The following TTC28 variants were observed in gnomAD, a reference collection of about 807,000 sequenced individuals.
TTC28 encodes tetratricopeptide repeat protein 28.
In TTC28, 61 loss-of-function variants were observed where a neutral mutation model predicts 198.0. That is an observed-to-expected ratio of 0.31 (90% CI 0.25 to 0.38). The LOEUF (loss-of-function observed/expected upper bound fraction) is 0.38. Among genes scored for constraint, TTC28 ranks in the 10% least tolerant of loss-of-function variants. The probability of loss-of-function intolerance (pLI) is 1.00; values close to 1 mark genes in which losing one functional copy is unlikely to be tolerated. For missense variants in TTC28, 2,678 were observed against 3,164.0 expected (o/e 0.85, Z 3.69); for synonymous variants, 1,171 against 1,297.8 (o/e 0.90, Z 2.10).
intron 2 of TTC28, among the ~76,000 whole-genome samples, chr22:28,417,403 A>G (rs2047183924): frequency 6.7e-6 from 1 of 150,214 alleles, no homozygotes. Context: ...TAAGCCCGGG[A>G]GTTCAAGACT....
chr22:28,036,835 A>T (rs9620763), intron 12 of TTC28, among the ~76,000 whole-genome samples: 1,738 of 152,298 alleles, frequency 0.011, 29 homozygotes, highest in African/African-American at 0.04. Context: ...GATAAAGGGG[A>T]TATCACCACT....
intron 2 of TTC28, among the ~76,000 whole-genome samples, chr22:28,359,887 C>T (rs2046132402): frequency 6.6e-6 from 1 of 152,094 alleles, no homozygotes; most frequent in East Asian, 1.9e-4. Flanking sequence ...CAGATAGCTC[C>T]ATTCCAAGCA....
At chr22:28,336,903 G>C (rs1219359707) in intron 2 of TTC28, among the ~76,000 whole-genome samples, 1 of 151,948 alleles carries the variant, frequency 6.6e-6, no homozygotes, top group Non-Finnish European at 1.5e-5. Flanking sequence ...GTTTGCTCTT[G>C]CTTCTCAAGT....
intron 12 of TTC28, among the ~76,000 whole-genome samples, chr22:28,033,388 C>T (rs1939210923): frequency 6.6e-6 from 1 of 152,336 alleles, no homozygotes; most frequent in African/African-American, 2.4e-5. Flanking sequence ...CTCTGAGTGA[C>T]TTTCTAGAGA....
chr22:28,335,677 C>T (rs925531345), intron 2 of TTC28, among the ~76,000 whole-genome samples: 9 of 152,216 alleles, frequency 5.9e-5, no homozygotes, highest in African/African-American at 7.2e-5. Context: ...GTGATTTTTG[C>T]ACATTGATTT....
At chr22:28,028,894 G>T (rs1272572724) in intron 13 of TTC28, 3 of 430,236 alleles carry the variant, frequency 7.0e-6, no homozygotes, top group Non-Finnish European at 1.5e-5. Flanking sequence ...CACAGATGAC[G>T]AGACTGAGGC....
At chr22:28,638,642 C>A (rs1399151905) in intron 1 of TTC28, among the ~76,000 whole-genome samples, 1 of 152,094 alleles carries the variant, frequency 6.6e-6, no homozygotes, top group African/African-American at 2.4e-5. Context: ...AGGACATACA[C>A]AGACAAATCA....
intron 13 of TTC28, among the ~76,000 whole-genome samples, chr22:28,019,564 G>A (rs888752356): frequency 6.6e-6 from 1 of 152,222 alleles, no homozygotes; most frequent in Admixed American, 6.5e-5. Context: ...TGCTCACAGC[G>A]GCTAACAGGT....
At chr22:28,356,211 CCTTCT>C in intron 2 of TTC28, among the ~76,000 whole-genome samples, 1 of 152,258 alleles carries the variant, frequency 6.6e-6, no homozygotes, top group East Asian at 1.9e-4. Flanking sequence ...TACTCTCTTC[CCTTCT>C]CTTCAAGGCC....
intron 5 of TTC28, among the ~76,000 whole-genome samples, chr22:28,164,744 C>T (rs767410391): frequency 1.6e-4 from 25 of 152,182 alleles, no homozygotes; most frequent in Non-Finnish European, 8.8e-5. Flanking sequence ...GCCTCTTCTC[C>T]TCCAAAGGAA....
chr22:28,367,679 T>G (rs1234325904), intron 2 of TTC28, among the ~76,000 whole-genome samples: 1 of 151,528 alleles, frequency 6.6e-6, no homozygotes, highest in East Asian at 1.9e-4. Flanking sequence ...TTAGCCAGAC[T>G]AAGAAAAAAG....
At chr22:28,560,309 G>A (rs2049848076) in intron 2 of TTC28, among the ~76,000 whole-genome samples, 2 of 152,248 alleles carry the variant, frequency 1.3e-5, no homozygotes, top group South Asian at 4.1e-4. Flanking sequence ...TGACCTTCCT[G>A]CTTCTAGCCT....
At chr22:28,147,844 G>T (rs1419361478) in intron 6 of TTC28, among the ~76,000 whole-genome samples, 2 of 152,150 alleles carry the variant, frequency 1.3e-5, no homozygotes, top group Non-Finnish European at 2.9e-5. Context: ...GTGTGCTGGA[G>T]GGATCACAAA....
At chr22:28,363,733 G>C (rs2046196573) in intron 2 of TTC28, among the ~76,000 whole-genome samples, 1 of 152,216 alleles carries the variant, frequency 6.6e-6, no homozygotes, top group African/African-American at 2.4e-5. Context: ...GTGTGACCTG[G>C]ATGTGAGACA....
At chr22:28,629,016 G>A (rs2051124384) in intron 2 of TTC28, among the ~76,000 whole-genome samples, 1 of 151,992 alleles carries the variant, frequency 6.6e-6, no homozygotes, top group African/African-American at 2.4e-5. Flanking sequence ...GTTAGGTTAG[G>A]AGTATGCACA....
chr22:28,031,129 G>T (rs923956660), intron 12 of TTC28, among the ~76,000 whole-genome samples: 4 of 152,124 alleles, frequency 2.6e-5, no homozygotes, highest in Non-Finnish European at 4.4e-5. Context: ...ATGGCAAAAG[G>T]CTTATTAAAT....
chr22:28,555,730 T>A (rs1246293776), intron 2 of TTC28, among the ~76,000 whole-genome samples: 1 of 152,054 alleles, frequency 6.6e-6, no homozygotes, highest in African/African-American at 2.4e-5. Context: ...AAGACTACAC[T>A]TTGGGCATGC....
intron 1 of TTC28, among the ~76,000 whole-genome samples, chr22:28,637,274 A>G (rs1377396645): frequency 6.6e-6 from 1 of 152,124 alleles, no homozygotes; most frequent in Admixed American, 6.5e-5. Context: ...AGCCTCCCAA[A>G]GTGCTGGGAT....
chr22:28,108,196 C>T lies in TTC28; in HGVS notation c.1649G>A (p.Arg550His), dbSNP rs1050381768. ...CCCATGTGTGGAGGCCTGTGAGGCG[C>T]GGTCATTCACTTCCATGGAGATCTG... ...ELQISMEVND[R>H]ASQASTHGNL... Residue 550 changes from arginine (R) to histidine (H), a missense_variant, in exon 7 of 23, where the codon CGC becomes CAC. Around this residue, in one of 8 missense-constraint regions of TTC28, gnomAD observed 775 missense variants for 845.9 expected, o/e 0.92. Coordinates refer to ENST00000397906, the MANE Select transcript of TTC28 (RefSeq NM_001145418.2). 24 of 1,551,606 alleles carry T rather than the reference C, an allele frequency of 1.5e-5. No individual in the cohort carries two copies. The highest frequency in any genetic ancestry group is 4.1e-5 in the African/African-American group (3 of 73,152).
Sources: allele counts gnomAD v4.1 joint callset (sites outside exome capture counted in the v4.1 genomes callset), GRCh38; gene constraint gnomAD v4.1.1; regional missense constraint gnomAD v4.1.1; transcripts MANE v1.5; gene names NCBI Gene and HGNC (gene_info 2026-07-23, HGNC 2026-07-21).